ADGRF5: variants seen among roughly 807,000 people sequenced by gnomAD.
The protein encoded by ADGRF5 is G-protein coupled receptor 116.
Under a neutral mutation model 132.3 loss-of-function variants are expected in ADGRF5, and 75 were observed. That is an observed-to-expected ratio of 0.57 (90% CI 0.47 to 0.69). The LOEUF (loss-of-function observed/expected upper bound fraction) is 0.69. Among genes scored for constraint, ADGRF5 ranks in the 30% least tolerant of loss-of-function variants. The pLI, the probability that ADGRF5 is intolerant of heterozygous loss-of-function variation, is 0.00. For synonymous variants in ADGRF5, 629 were observed against 597.6 expected, an observed-to-expected ratio of 1.05 and a Z score of -0.77; for missense variants, 1,516 against 1,630.6, an observed-to-expected ratio of 0.93 and a Z score of 1.21.
intron 1 of ADGRF5, among the ~76,000 whole-genome samples, chr6:46,919,809 G>A (rs1297702245): frequency 6.6e-6 from 1 of 152,206 alleles, no homozygotes; most frequent in East Asian, 1.9e-4. Context: ...TAAAGAACAA[G>A]AAAATATGAA....
At chr6:46,880,368 AC>A (rs1772319079) in intron 8 of ADGRF5, among the ~76,000 whole-genome samples, 1 of 151,904 alleles carries the variant, frequency 6.6e-6, no homozygotes, top group Admixed American at 6.6e-5. Flanking sequence ...TAAAAAAAAA[AC>A]AAACTTAAAT....
At chr6:46,866,477 T>A (rs1770453662) in intron 13 of ADGRF5, among the ~76,000 whole-genome samples, 1 of 152,134 alleles carries the variant, frequency 6.6e-6, no homozygotes, top group African/African-American at 2.4e-5. Flanking sequence ...ATAGGAAAGC[T>A]CCAGCATTAG....
intron 1 of ADGRF5, among the ~76,000 whole-genome samples, chr6:46,917,455 T>C (rs1354225735): frequency 6.6e-6 from 1 of 152,170 alleles, no homozygotes; most frequent in Non-Finnish European, 1.5e-5. Flanking sequence ...GTGCCTCTAT[T>C]TGCTAGCTTT....
In ADGRF5 at chr6:46,858,858, A is replaced by G; in HGVS notation, c.3045T>C (p.Ile1015=). The change falls in exon 17 of 21, where the codon ATT becomes ATC. Residue 1015 remains isoleucine, a synonymous_variant. Coordinates refer to ENST00000283296, the MANE Select transcript of ADGRF5 (RefSeq NM_001098518.2). ...TGGAAAAGCCCACCCCAACATAAGA[A>G]ATAATATCCAGGAGTATTCCCAGGA... ...SSLLGILLDI[I]SYVGVGFSIL... 6.2e-7 allele frequency: 1 copy of G among 1,614,066 alleles called. No individual in the cohort carries two copies. Among genetic ancestry groups the G allele is most frequent in the Non-Finnish European group, 8.5e-7 (1 of 1,179,946 alleles).
intron 15 of ADGRF5, among the ~76,000 whole-genome samples, 157 bp downstream of exon 15, chr6:46,862,731 C>CTTTTTTTTTTTTA: frequency 4.6e-5 from 1 of 21,786 alleles, no homozygotes; most frequent in South Asian, 1.8e-3. Context: ...TTTTTTTTTG[C>CTTTTTTTTTTTTA]ATTTCTAGGG....
rs1335991085 is a variant in ADGRF5 at position 46,858,665 on chromosome 6, T to C, written c.3238A>G (p.Ile1080Val). 6 of 1,614,086 alleles carry C rather than the reference T, an allele frequency of 3.7e-6. No individual in the cohort carries two copies. The highest frequency in any genetic ancestry group is 1.7e-5 in the Admixed American group (1 of 60,010). The change falls in exon 17 of 21, where the codon ATA (isoleucine) becomes GTA (valine). Residue 1080 changes from isoleucine (I) to valine (V), a missense_variant. Physicochemically the swap from Ile to Val is conservative, Grantham distance 29 (BLOSUM62 3). Coordinates refer to ENST00000283296, the MANE Select transcript of ADGRF5 (RefSeq NM_001098518.2). ...VVAAIQDNRY[I>V]LCKTACVAAT... The stretch of plus-strand genomic sequence containing the variant: ...GCCACACAGGCTGTCTTGCAGAGTA[T>C]GTAGCGATTGTCCTGGATGGCAGCG...
intron 6 of ADGRF5, among the ~76,000 whole-genome samples, chr6:46,882,422 T>A (rs1033914819): frequency 2.0e-5 from 3 of 152,126 alleles, no homozygotes; most frequent in Non-Finnish European, 4.4e-5. Flanking sequence ...GGAAGGAAGG[T>A]TGGCTAAAAT....
At position 46,853,055 on chromosome 6, in the gene ADGRF5, T is replaced by C. The variant is rs919404655; in HGVS notation, c.*937A>G. The C allele has an allele frequency of 2.0e-5, 3 of 152,670 alleles. No individual in the cohort carries two copies. Among genetic ancestry groups the C allele is most frequent in the African/African-American group, 7.2e-5 (3 of 41,466 alleles). The allele number at this position is 152,670 out of a possible 1,614,324, so 9.5% of individuals were successfully genotyped here. A position where few individuals can be genotyped will look rare whatever the true frequency, so the allele number is the denominator to read the frequency against. ...TCAAATTTGGCAATTGAAGGGTATA[T>C]CAAATATATATTTTTTGCTTTCAAA... On this transcript the variant is annotated 3_prime_UTR_variant, in exon 21 of 21. Coordinates refer to ENST00000283296, the MANE Select transcript of ADGRF5 (RefSeq NM_001098518.2).
intron 2 of ADGRF5, among the ~76,000 whole-genome samples, chr6:46,900,730 T>G (rs1189935762): frequency 6.6e-6 from 1 of 152,212 alleles, no homozygotes; most frequent in African/African-American, 2.4e-5. Context: ...CAGGGTTTTT[T>G]TCCTGTAAAA....
intron 16 of ADGRF5, among the ~76,000 whole-genome samples, chr6:46,860,355 A>G (rs1195127545): frequency 6.6e-6 from 1 of 152,220 alleles, no homozygotes; most frequent in Non-Finnish European, 1.5e-5. Context: ...CTATGCTTCC[A>G]GAACCTATCC....
intron 2 of ADGRF5, 37 bp downstream of exon 2, chr6:46,906,624 G>A: frequency 1.8e-6 from 2 of 1,089,508 alleles, no homozygotes; most frequent in East Asian, 2.4e-5. Context: ...AGAAAAATGT[G>A]ACAAGAAAAA....
chr6:46,903,883 T>G (rs185795022), intron 2 of ADGRF5, among the ~76,000 whole-genome samples: 7 of 152,202 alleles, frequency 4.6e-5, no homozygotes, highest in African/African-American at 9.6e-5. Flanking sequence ...GTGGGTTGCA[T>G]GTAGAACATT....
chr6:46,872,913 A>G (rs1771246882), intron 10 of ADGRF5, among the ~76,000 whole-genome samples: 1 of 152,160 alleles, frequency 6.6e-6, no homozygotes, highest in African/African-American at 2.4e-5. Context: ...GATCAATGAT[A>G]TTTGACATAT....
intron 1 of ADGRF5, among the ~76,000 whole-genome samples, chr6:46,932,323 T>A (rs1025559164): frequency 6.6e-6 from 1 of 152,230 alleles, no homozygotes; most frequent in Non-Finnish European, 1.5e-5. Context: ...GCTAGGTAAC[T>A]GTTAAAAGGA....
chr6:46,927,810 G>A (rs138520215), intron 1 of ADGRF5, among the ~76,000 whole-genome samples: 10 of 152,164 alleles, frequency 6.6e-5, no homozygotes, highest in South Asian at 2.1e-4. Flanking sequence ...CATAATAGGC[G>A]ATAAAGGCCT....
chr6:46,951,115 G>A (rs1300403952), intron 1 of ADGRF5, among the ~76,000 whole-genome samples: 1 of 152,230 alleles, frequency 6.6e-6, no homozygotes, highest in East Asian at 1.9e-4. Context: ...ATTACGACGT[G>A]TGTTTATTGA....
At chr6:46,943,017 C>A (rs1349842669) in intron 1 of ADGRF5, among the ~76,000 whole-genome samples, 2 of 152,014 alleles carry the variant, frequency 1.3e-5, no homozygotes, top group Admixed American at 6.6e-5. Context: ...GAAGGATAAT[C>A]CATTACAATA....
upstream of ADGRF5, among the ~76,000 whole-genome samples, chr6:46,926,484 G>A (rs201396881): frequency 9.2e-4 from 1 of 1,092 alleles, no homozygotes; most frequent in South Asian, 4.0e-3. Context: ...CTCGGGTGAG[G>A]GGGGGGGCAG....
rs1459040567 is a variant in ADGRF5, at chr6:46,863,114, A to T, written c.1991-18T>A. 6.4e-7 allele frequency: 1 copy of T among 1,559,670 alleles called. No homozygotes were observed. The highest frequency in any genetic ancestry group is 1.4e-5 in the African/African-American group (1 of 73,926). ...GTTTTCCCCTGTGTTGGAAACATTG[A>T]AATAAAGGGATAATTGCAAGGAAGA... On this transcript the variant is annotated intron_variant, in intron 14 of 20. Coordinates refer to ENST00000283296, the MANE Select transcript of ADGRF5 (RefSeq NM_001098518.2).
Sources: gnomAD v4.1 joint callset for allele counts (sites outside exome capture counted in the v4.1 genomes callset) on GRCh38, gnomAD v4.1.1 for gene constraint, MANE v1.5 for transcripts, NCBI Gene and HGNC (gene_info 2026-07-23, HGNC 2026-07-21) for gene names.